Variants in DOCK3 observed in about 807,000 individuals in gnomAD.
DOCK3 encodes the protein dedicator of cytokinesis 3.
In DOCK3, 60 loss-of-function variants were observed where a neutral mutation model predicts 265.6. The ratio of observed to expected loss-of-function variants is 0.23; its 90% CI spans 0.18 to 0.28. The LOEUF (loss-of-function observed/expected upper bound fraction) is 0.28, where lower values mean the gene tolerates loss of function less well. Ranked by LOEUF, DOCK3 falls within the 10% of genes least tolerant of loss-of-function variation. DOCK3 has a pLI of 1.00. For synonymous variants in DOCK3, 881 were observed against 938.0 expected (o/e 0.94, Z 1.11); for missense variants, 1,981 against 2,594.3 (o/e 0.76, Z 5.14).
At position 51,281,274 on chromosome 3, in the gene DOCK3, A is replaced by AATATATATATAT. The variant is rs56084027; in HGVS notation, c.2922+1091_2922+1102dup. On this transcript the variant is annotated intron_variant, in intron 27 of 52. Transcript: ENST00000266037. ...ACACTAACGATAGCTGATGAGCTAAAATATATATATATATATATATATATA... is the reference window on the plus strand; with the variant it reads ...ACACTAACGATAGCTGATGAGCTAAAATATATATATATATATATATATATATATATATATATA... Among the ~76,000 whole-genome samples the AATATATATATAT allele has an allele frequency of 1.4e-3, 180 of 125,646 alleles. 1 individual carries two copies. Among genetic ancestry groups the AATATATATATAT allele is most frequent in the African/African-American group, 4.7e-3 (155 of 32,848 alleles). 82.4% of individuals were successfully genotyped at this position (125,646 alleles called of 152,430 possible). A position where few individuals can be genotyped will look rare whatever the true frequency, so the allele number is the denominator to read the frequency against.
chr3:50,848,187 T>C (rs192569816), intron 3 of DOCK3, among the ~76,000 whole-genome samples: 245 of 152,340 alleles, frequency 1.6e-3, no homozygotes, highest in African/African-American at 5.5e-3. Context: ...CCTATGGGTG[T>C]TGTCACATCT....
chr3:51,200,452 C>T (rs1210107400), intron 12 of DOCK3, among the ~76,000 whole-genome samples: 1 of 11,804 alleles, frequency 8.5e-5, no homozygotes. Context: ...TGAAATGAAG[C>T]GAGAAGGGAA....
At chr3:51,309,643 GAGAGCGAGAGC>G (rs1333760961) in intron 27 of DOCK3, among the ~76,000 whole-genome samples, 1 of 64,360 alleles carries the variant, frequency 1.6e-5, no homozygotes, top group East Asian at 4.6e-4. Flanking sequence ...GAGCGAGAGC[GAGAGCGAGAGC>G]TCTTTGTTTC....
At chr3:50,782,364 C>T (rs1249636514) in intron 2 of DOCK3, among the ~76,000 whole-genome samples, 1 of 135,898 alleles carries the variant, frequency 7.4e-6, no homozygotes, top group African/African-American at 2.7e-5. Context: ...GATCTCGGCT[C>T]ACTGCAAGCT....
chr3:50,793,393 T>C (rs187749107), intron 2 of DOCK3, among the ~76,000 whole-genome samples: 3 of 151,004 alleles, frequency 2.0e-5, no homozygotes, highest in Non-Finnish European at 3.0e-5. Context: ...AGTTTTGCTC[T>C]TGTTGCCCAG....
intron 35 of DOCK3, among the ~76,000 whole-genome samples, chr3:51,337,299 G>A (rs1306646976): frequency 1.3e-5 from 2 of 152,174 alleles, no homozygotes. Flanking sequence ...TCCTCTGCAT[G>A]ATGGGAAGGT....
intron 22 of DOCK3, among the ~76,000 whole-genome samples, chr3:51,249,906 G>A (rs2079104792): frequency 6.7e-6 from 1 of 149,114 alleles, no homozygotes; most frequent in Admixed American, 6.6e-5. Flanking sequence ...AGACATGGGA[G>A]ACTTTTCATT....
intron 5 of DOCK3, among the ~76,000 whole-genome samples, chr3:50,944,062 T>C (rs568628760): frequency 6.6e-6 from 1 of 152,320 alleles, no homozygotes; most frequent in East Asian, 1.9e-4. Flanking sequence ...TTTGCTGATA[T>C]AGGTGATATT....
At chr3:50,918,222 G>A (rs184884033) in intron 4 of DOCK3, among the ~76,000 whole-genome samples, 19 of 152,210 alleles carry the variant, frequency 1.2e-4, no homozygotes, top group East Asian at 3.9e-4. Context: ...ATAAACATAC[G>A]TGTGCATGTG....
chr3:51,294,532 G>A (rs909468259), intron 27 of DOCK3, among the ~76,000 whole-genome samples: 1 of 152,086 alleles, frequency 6.6e-6, no homozygotes, highest in Non-Finnish European at 1.5e-5. Context: ...CAAAAAAATA[G>A]CCAGGCGTGG....
At chr3:50,759,070 C>T (rs923581813) in intron 1 of DOCK3, among the ~76,000 whole-genome samples, 9 of 152,074 alleles carry the variant, frequency 5.9e-5, no homozygotes, top group African/African-American at 1.9e-4. Flanking sequence ...TGCTAGAACA[C>T]GGGTATACAA....
intron 4 of DOCK3, among the ~76,000 whole-genome samples, chr3:50,924,227 C>T (rs969956719): frequency 6.6e-6 from 1 of 152,226 alleles, no homozygotes; most frequent in Non-Finnish European, 1.5e-5. Flanking sequence ...TACATTTCTA[C>T]TTCATGTTTC....
At chr3:50,813,749 C>T (rs2043900514) in intron 2 of DOCK3, among the ~76,000 whole-genome samples, 1 of 151,864 alleles carries the variant, frequency 6.6e-6, no homozygotes, top group African/African-American at 2.4e-5. Flanking sequence ...AAATAGTATT[C>T]AAAAATGAAA....
In DOCK3 at chr3:50,675,972, A is replaced by G. The variant is rs1299815178; in HGVS notation, c.37+672A>G. Among the ~76,000 whole-genome samples, 1 of 152,174 alleles carries G rather than the reference A, an allele frequency of 6.6e-6. No individual in the cohort carries two copies. The highest frequency in any genetic ancestry group is 1.9e-4 in the East Asian group (1 of 5,200). ...TTGTAAGTGTTAAACTCCAGAAGCT[A>G]AATAATTCTTACAATATTCAACTTC... On this transcript the variant is annotated intron_variant, in intron 1 of 52. Transcript: ENST00000266037. The surrounding 1 kb of genome is among the most constrained non-coding windows in gnomAD (Gnocchi z 6.1).
intron 12 of DOCK3, among the ~76,000 whole-genome samples, chr3:51,184,038 G>A (rs2087452965): frequency 6.6e-6 from 1 of 152,094 alleles, no homozygotes; most frequent in Non-Finnish European, 1.5e-5. Flanking sequence ...AGGCCGGGGT[G>A]GTGTCTCATG....
intron 23 of DOCK3, among the ~76,000 whole-genome samples, chr3:51,261,818 C>G (rs2079865832): frequency 6.6e-6 from 1 of 152,176 alleles, no homozygotes; most frequent in South Asian, 2.1e-4. Flanking sequence ...CAAGGCAGAG[C>G]CCACCACAGT....
intron 9 of DOCK3, among the ~76,000 whole-genome samples, chr3:51,123,876 A>G (rs765192799): frequency 3.3e-5 from 5 of 152,204 alleles, no homozygotes; most frequent in Admixed American, 1.3e-4. Flanking sequence ...GATGCCAGCT[A>G]AGGGCCAGCC....
At chr3:50,697,123 G>T (rs2035679754) in intron 1 of DOCK3, among the ~76,000 whole-genome samples, 1 of 151,638 alleles carries the variant, frequency 6.6e-6, no homozygotes. Flanking sequence ...TAGAGACAGG[G>T]TGTCACCATG....
chr3:51,197,727 C>T lies in DOCK3; in HGVS notation c.1038-11047C>T, dbSNP rs183632374. Among the ~76,000 whole-genome samples the T allele has an allele frequency of 2.6e-3, 392 of 152,174 alleles. 3 individuals are homozygous for T. Among genetic ancestry groups the T allele is most frequent in the African/African-American group, 9.1e-3 (379 of 41,534 alleles). Reference sequence around the variant, plus strand: ...CTCCGCAGGCCCCAGGTGGAGTGCTCAGGTGAGGGGTGTTAGCAGCTATGC... The same window carrying T: ...CTCCGCAGGCCCCAGGTGGAGTGCTTAGGTGAGGGGTGTTAGCAGCTATGC... On this transcript the variant is annotated intron_variant, in intron 12 of 52. Transcript: ENST00000266037.
Sources: allele counts gnomAD v4.1 joint callset (sites outside exome capture counted in the v4.1 genomes callset), GRCh38; gene constraint gnomAD v4.1.1; non-coding constraint Gnocchi (gnomAD v3.1); transcripts MANE v1.5; gene names NCBI Gene and HGNC (gene_info 2026-07-23, HGNC 2026-07-21).